The following TTC13 variants were observed in gnomAD, a reference collection of about 807,000 sequenced individuals.
TTC13 encodes the protein tetratricopeptide repeat domain 13.
A neutral mutation model predicts 120.0 loss-of-function variants in TTC13; 62 were observed. The observed-to-expected ratio is 0.52, with a 90% CI of 0.42 to 0.64. The LOEUF is 0.64. Ranked by LOEUF, TTC13 falls within the 30% of genes least tolerant of loss-of-function variation. The probability of loss-of-function intolerance (pLI) is 0.00; values close to 1 mark genes in which losing one functional copy is unlikely to be tolerated. For missense variants in TTC13, 824 were observed against 1,050.2 expected (o/e 0.78, Z 2.98); for synonymous variants, 384 against 393.5 (o/e 0.98, Z 0.28).
intron 2 of TTC13, among the ~76,000 whole-genome samples, chr1:230,959,196 GGA>G (rs2102957840): frequency 6.6e-6 from 1 of 152,270 alleles, no homozygotes; most frequent in South Asian, 2.1e-4. Flanking sequence ...TCATATTTGA[GGA>G]GAGTCTACCA....
At chr1:230,924,489 C>T (rs543555212) in intron 14 of TTC13, among the ~76,000 whole-genome samples, 2 of 152,238 alleles carry the variant, frequency 1.3e-5, no homozygotes, top group East Asian at 1.9e-4. Flanking sequence ...CGCACCACCA[C>T]GCCCAGCTAA....
intron 3 of TTC13, among the ~76,000 whole-genome samples, chr1:230,956,928 A>AT (rs1220523822): frequency 6.6e-6 from 1 of 152,102 alleles, no homozygotes; most frequent in Non-Finnish European, 1.5e-5. Context: ...CACAGATGTC[A>AT]TTTTTTTCAA....
chr1:230,950,035 T>A (rs1298136535), intron 4 of TTC13, among the ~76,000 whole-genome samples: 1 of 152,226 alleles, frequency 6.6e-6, no homozygotes, highest in African/African-American at 2.4e-5. Context: ...AGTCTAGTAT[T>A]AAGCCTTCCT....
intron 16 of TTC13, among the ~76,000 whole-genome samples, chr1:230,921,118 G>GT (rs1276808190): frequency 6.6e-6 from 1 of 151,970 alleles, no homozygotes; most frequent in African/African-American, 2.4e-5. Flanking sequence ...GTGAAGGAGA[G>GT]TAAGTATTAA....
intron 1 of TTC13, among the ~76,000 whole-genome samples, chr1:230,962,677 A>G (rs1676753723): frequency 6.6e-6 from 1 of 152,246 alleles, no homozygotes; most frequent in Admixed American, 6.5e-5. Context: ...GCCAAAAGGG[A>G]GAAATGGTCC....
chr1:230,960,468 A>G (rs1676522117), intron 2 of TTC13, among the ~76,000 whole-genome samples: 1 of 152,192 alleles, frequency 6.6e-6, no homozygotes, highest in African/African-American at 2.4e-5. Context: ...TCCATATATC[A>G]AGTTGATTAC....
intron 9 of TTC13, among the ~76,000 whole-genome samples, chr1:230,932,406 G>A (rs1471096688): frequency 6.6e-6 from 1 of 151,786 alleles, no homozygotes; most frequent in Non-Finnish European, 1.5e-5. Flanking sequence ...ACCATTCCAG[G>A]ATGGAAATGG....
chr1:230,947,907 C>T (rs1350244509), intron 4 of TTC13, among the ~76,000 whole-genome samples: 1 of 152,158 alleles, frequency 6.6e-6, no homozygotes, highest in African/African-American at 2.4e-5. Flanking sequence ...TCACACACCC[C>T]TCACCAAATC....
intron 8 of TTC13, among the ~76,000 whole-genome samples, chr1:230,936,842 T>G (rs1674101297): frequency 6.6e-6 from 1 of 152,232 alleles, no homozygotes; most frequent in South Asian, 2.1e-4. Flanking sequence ...CAAAGTTCAT[T>G]TATTAATTCA....
In TTC13 at chr1:230,928,833, C is replaced by CTCT. The variant is rs33960733; in HGVS notation, c.1457+103_1457+104insAGA. 2.6e-6 allele frequency: 3 copies of CTCT among 1,147,304 alleles called. No individual in the cohort carries two copies. In the East Asian group the frequency reaches 7.8e-5, roughly 30 times the overall value. The allele number at this position is 1,147,304 out of a possible 1,614,324, so 71.1% of individuals were successfully genotyped here. On this transcript the variant is annotated intron_variant, in intron 12 of 22. Coordinates refer to ENST00000366661, the MANE Select transcript of TTC13 (RefSeq NM_024525.5). ...ATTGAACTCCTGGCCCCAGGCAATT[C>CTCT]TACCTCACCCTCCCAAGTAGCAGGG...
intron 18 of TTC13, among the ~76,000 whole-genome samples, chr1:230,915,650 T>C (rs1264241606): frequency 1.3e-5 from 2 of 152,152 alleles, no homozygotes; most frequent in African/African-American, 2.4e-5. Flanking sequence ...TAAGGGTAAA[T>C]AGTAGAACAG....
At chr1:230,923,181 G>C (rs569568881) in intron 15 of TTC13, among the ~76,000 whole-genome samples, 1 of 152,062 alleles carries the variant, frequency 6.6e-6, no homozygotes, top group East Asian at 1.9e-4. Flanking sequence ...CTAAAAGATG[G>C]GCTGATAATA....
intron 18 of TTC13, among the ~76,000 whole-genome samples, chr1:230,914,770 A>G (rs1264365912): frequency 6.6e-6 from 1 of 152,108 alleles, no homozygotes; most frequent in African/African-American, 2.4e-5. Context: ...TAACATATAA[A>G]ATATATGTTA....
rs1489762603 is a variant in TTC13, at chr1:230,940,712, A to G, written c.673-156T>C. On this transcript the variant is annotated intron_variant, in intron 6 of 22. Transcript: ENST00000366661. This position sits in a 1 kb window ranked among gnomAD's most constrained non-coding sequence, Gnocchi z 4.1. The stretch of plus-strand genomic sequence containing the variant: ...CCCCCTATATTATGCGGTGGGGTTC[A>G]AAGTCAACCAGCTGAGGTGCCACTA... 6.6e-6 allele frequency among the ~76,000 whole-genome samples: 1 copy of G among 152,214 alleles called. No homozygotes were observed. Among genetic ancestry groups the G allele is most frequent in the Non-Finnish European group, 1.5e-5 (1 of 68,044 alleles).
chr1:230,945,892 GAAAGA>G (rs1470132797), intron 4 of TTC13, among the ~76,000 whole-genome samples: 1 of 152,170 alleles, frequency 6.6e-6, no homozygotes. Context: ...ACCTGAAAAG[GAAAGA>G]ACCACTCAGT....
At chr1:230,907,761 T>A (rs955202830) in intron 22 of TTC13, among the ~76,000 whole-genome samples, 1 of 152,202 alleles carries the variant, frequency 6.6e-6, no homozygotes, top group Non-Finnish European at 1.5e-5. Flanking sequence ...CTATGTCAAA[T>A]AGACGTGAAA....
intron 15 of TTC13, among the ~76,000 whole-genome samples, chr1:230,922,888 T>A (rs1672713015): frequency 6.6e-6 from 1 of 152,238 alleles, no homozygotes. Context: ...CACAGCACAC[T>A]GGCTGATCTA....
intron 1 of TTC13, among the ~76,000 whole-genome samples, chr1:230,967,139 G>A (rs774818136): frequency 6.6e-6 from 1 of 151,438 alleles, no homozygotes; most frequent in Non-Finnish European, 1.5e-5. Context: ...ATTTTATCAA[G>A]GTCTTTTAAA....
Position 230,958,864 on chromosome 1 carries a change from ACAC to A in TTC13, c.367-568_367-566del, listed in dbSNP as rs1676356646. Among the ~76,000 whole-genome samples, 3 of 152,284 alleles carry A rather than the reference ACAC, an allele frequency of 2.0e-5. No homozygotes were observed. In the South Asian group the frequency reaches 6.2e-4, roughly 32 times the overall value. Reference sequence around the variant, plus strand: ...AAAAATTAGCTGGACATGGTGATGTACACTGATAGCCCCAGCTACTTGGTTGGG... The same window carrying A: ...AAAAATTAGCTGGACATGGTGATGTATGATAGCCCCAGCTACTTGGTTGGG... On this transcript the variant is annotated intron_variant, in intron 2 of 22. Transcript: ENST00000366661.
Sources: gnomAD v4.1 joint callset for allele counts (sites outside exome capture counted in the v4.1 genomes callset) on GRCh38, gnomAD v4.1.1 for gene constraint, Gnocchi (gnomAD v3.1) non-coding constraint, MANE v1.5 for transcripts, NCBI Gene and HGNC (gene_info 2026-07-23, HGNC 2026-07-21) for gene names.